Variants in GRID2 observed in about 807,000 individuals in gnomAD.
GRID2 encodes the protein glutamate receptor ionotropic, delta-2.
GRID2 carries 33 observed loss-of-function variants against 114.8 expected under a neutral mutation model. The ratio of observed to expected loss-of-function variants is 0.29; its 90% CI spans 0.22 to 0.38. GRID2 has a LOEUF of 0.38. GRID2 is among the 10% of genes least tolerant of loss of function. GRID2 has a pLI of 1.00. For synonymous variants in GRID2, 505 were observed against 449.9 expected (o/e 1.12, Z -1.55); for missense variants, 1,184 against 1,257.7 (o/e 0.94, Z 0.89).
chr4:93,481,109 T>C (rs1725820827), intron 11 of GRID2, among the ~76,000 whole-genome samples: 1 of 152,056 alleles, frequency 6.6e-6, no homozygotes, highest in Non-Finnish European at 1.5e-5. Context: ...CTATTTGGTG[T>C]AAACTTTTAT....
intron 2 of GRID2, among the ~76,000 whole-genome samples, chr4:92,661,825 C>G (rs1732535329): frequency 6.6e-6 from 1 of 150,912 alleles, no homozygotes; most frequent in Non-Finnish European, 1.5e-5. Context: ...TAAGTGTAAG[C>G]ATTTTAAATA....
intron 2 of GRID2, among the ~76,000 whole-genome samples, chr4:92,678,310 G>T (rs143417799): frequency 6.6e-6 from 1 of 151,952 alleles, no homozygotes; most frequent in Non-Finnish European, 1.5e-5. Context: ...TTATAAATTC[G>T]ATAAGGGCAG....
In GRID2 at chr4:93,094,111, G is replaced by T. The variant is rs1044886021; in HGVS notation, c.529+8832G>T. ...CCAATATTTCCAAGCGTTGAAGAAT[G>T]ATTGTGTTTGTGTTAAAACCTTGAG... On this transcript the variant is annotated intron_variant, in intron 3 of 15. Transcript: ENST00000282020. Among the ~76,000 whole-genome samples, 4 of 151,996 alleles carry T rather than the reference G, an allele frequency of 2.6e-5. No individual in the cohort carries two copies. The South Asian group carries it at 8.3e-4, about 32-fold the overall frequency.
intron 2 of GRID2, among the ~76,000 whole-genome samples, chr4:92,654,744 T>G (rs1732141108): frequency 6.6e-6 from 1 of 150,958 alleles, no homozygotes. Context: ...TATTTTCAAA[T>G]GGAATTTTAA....
At chr4:92,398,960 T>C (rs1008676181) in intron 1 of GRID2, among the ~76,000 whole-genome samples, 1 of 152,182 alleles carries the variant, frequency 6.6e-6, no homozygotes, top group Non-Finnish European at 1.5e-5. Flanking sequence ...CCGTAACAAC[T>C]CAAAAAATTA....
chr4:93,082,982 A>T (rs947370575), intron 2 of GRID2, among the ~76,000 whole-genome samples: 2 of 152,196 alleles, frequency 1.3e-5, no homozygotes, highest in Non-Finnish European at 2.9e-5. Context: ...GTCATGTTAC[A>T]TGTGACAGAA....
chr4:93,732,600 C>T (rs1019932272), intron 14 of GRID2, among the ~76,000 whole-genome samples: 1 of 151,988 alleles, frequency 6.6e-6, no homozygotes, highest in Non-Finnish European at 1.5e-5. Flanking sequence ...AATGTTATAA[C>T]TCAACTCTTT....
chr4:93,757,046 A>T (rs1185417181), intron 14 of GRID2, among the ~76,000 whole-genome samples: 2 of 152,186 alleles, frequency 1.3e-5, no homozygotes, highest in African/African-American at 4.8e-5. Flanking sequence ...TGCAGAGGAG[A>T]TGGAATCTGA....
intron 10 of GRID2, among the ~76,000 whole-genome samples, chr4:93,454,006 G>A (rs1368398944): frequency 1.3e-5 from 2 of 152,018 alleles, no homozygotes; most frequent in Admixed American, 6.6e-5. Flanking sequence ...GGACAAGGGA[G>A]TTAAACATCC....
intron 1 of GRID2, among the ~76,000 whole-genome samples, chr4:92,469,777 G>T (rs527505599): frequency 1.2e-4 from 18 of 150,990 alleles, no homozygotes; most frequent in African/African-American, 3.9e-4. Flanking sequence ...TTTTCTTAAA[G>T]GTATGATTAA....
chr4:92,631,579 T>G (rs529525320), intron 2 of GRID2, among the ~76,000 whole-genome samples: 181 of 152,256 alleles, frequency 1.2e-3, no homozygotes, highest in Non-Finnish European at 2.2e-3. Flanking sequence ...TTAGAAATCC[T>G]GTAATTGTGA....
chr4:92,954,766 TCC>T (rs994346335), intron 2 of GRID2, among the ~76,000 whole-genome samples: 1 of 90,562 alleles, frequency 1.1e-5, no homozygotes, highest in South Asian at 4.6e-4. Flanking sequence ...CCCTCCCCCC[TCC>T]CCCCACCCCA....
chr4:93,338,749 A>G (rs1441395779), intron 8 of GRID2, among the ~76,000 whole-genome samples: 1 of 152,068 alleles, frequency 6.6e-6, no homozygotes, highest in African/African-American at 2.4e-5. Context: ...TCTATACATT[A>G]TCTTCTGATT....
chr4:92,700,810 G>A (rs1327110250), intron 2 of GRID2, among the ~76,000 whole-genome samples: 2 of 152,092 alleles, frequency 1.3e-5, no homozygotes, highest in Non-Finnish European at 2.9e-5. Context: ...TGTTAACACA[G>A]TGAAACCCCG....
At chr4:93,520,013 G>C (rs1403949042) in intron 13 of GRID2, among the ~76,000 whole-genome samples, 2 of 152,114 alleles carry the variant, frequency 1.3e-5, no homozygotes, top group Non-Finnish European at 2.9e-5. Context: ...CAAAAGATTA[G>C]TCATAACAAT....
At chr4:92,547,671 T>C (rs1248662020) in intron 1 of GRID2, among the ~76,000 whole-genome samples, 1 of 93,062 alleles carries the variant, frequency 1.1e-5, no homozygotes, top group Non-Finnish European at 2.6e-5. Flanking sequence ...GAAAAGGAAC[T>C]TTTTTTTTTT....
chr4:93,441,605 A>G (rs1380674816), intron 10 of GRID2, among the ~76,000 whole-genome samples: 1 of 151,888 alleles, frequency 6.6e-6, no homozygotes, highest in African/African-American at 2.4e-5. Context: ...TTAAATATTC[A>G]CTCACTCTAG....
At chr4:93,441,845 G>C (rs1237559183) in intron 10 of GRID2, among the ~76,000 whole-genome samples, 1 of 137,816 alleles carries the variant, frequency 7.3e-6, no homozygotes. Flanking sequence ...AATAAGTAAA[G>C]GTTTTCTTAA....
At chr4:93,344,519 G>T (rs1170550371) in intron 8 of GRID2, among the ~76,000 whole-genome samples, 4 of 151,366 alleles carry the variant, frequency 2.6e-5, no homozygotes, top group Non-Finnish European at 5.9e-5. Context: ...ATTGTGAAAT[G>T]ATTAAATCAA....
Sources: allele counts gnomAD v4.1 joint callset (sites outside exome capture counted in the v4.1 genomes callset), GRCh38; gene constraint gnomAD v4.1.1; transcripts MANE v1.5; gene names NCBI Gene and HGNC (gene_info 2026-07-23, HGNC 2026-07-21).